Variants in NLGN1 observed in about 807,000 individuals in gnomAD.
NLGN1 encodes neuroligin-1.
NLGN1 carries 12 observed loss-of-function variants against 65.5 expected under a neutral mutation model. The observed-to-expected ratio is 0.18, with a 90% confidence interval of 0.12 to 0.30. The LOEUF is 0.30. Ranked by LOEUF, NLGN1 falls within the 10% of genes least tolerant of loss-of-function variation. NLGN1 has a pLI of 1.00. For missense variants in NLGN1, 750 were observed against 1,007.1 expected (o/e 0.74, Z 3.46); for synonymous variants, 350 against 359.5 (o/e 0.97, Z 0.30).
chr3:173,814,144 C>T (rs1224652215), intron 4 of NLGN1, among the ~76,000 whole-genome samples: 1 of 152,194 alleles, frequency 6.6e-6, no homozygotes, highest in African/African-American at 2.4e-5. Flanking sequence ...CGTGTCTCGC[C>T]CACAGGGGCA....
chr3:173,824,586 A>C (rs570558834), intron 4 of NLGN1, among the ~76,000 whole-genome samples: 1 of 149,880 alleles, frequency 6.7e-6, no homozygotes, highest in South Asian at 2.1e-4. Flanking sequence ...GTGTATTGAC[A>C]TGTGCACTTA....
At chr3:174,209,219 C>T (rs536296325) in intron 4 of NLGN1, among the ~76,000 whole-genome samples, 2 of 152,034 alleles carry the variant, frequency 1.3e-5, no homozygotes, top group South Asian at 2.1e-4. Context: ...CCACCGTGCC[C>T]GACCTAATTC....
chr3:173,883,083 G>C (rs1733644537), intron 4 of NLGN1, among the ~76,000 whole-genome samples: 1 of 149,988 alleles, frequency 6.7e-6, no homozygotes, highest in African/African-American at 2.5e-5. Context: ...CAACTGGGCT[G>C]TTTAGTGCAA....
chr3:174,154,986 T>TTATAATAATATA (rs1725125118), intron 4 of NLGN1, among the ~76,000 whole-genome samples: 1 of 70,782 alleles, frequency 1.4e-5, no homozygotes, highest in African/African-American at 1.1e-4. Context: ...TATATTATAT[T>TTATAATAATATA]ATATATTATA....
At position 173,770,866 on chromosome 3, in the gene NLGN1, T is replaced by C. The variant is rs530178344; in HGVS notation, c.494-36814T>C. On this transcript the variant is annotated intron_variant, in intron 3 of 6. Coordinates refer to ENST00000457714, the Ensembl canonical transcript of NLGN1. Reference sequence around the variant, plus strand: ...AAAAAAAAATCCTGCTATTTTGCCATGAAGAGGCTTTCAACCTTTATAGGA... The same window carrying C: ...AAAAAAAAATCCTGCTATTTTGCCACGAAGAGGCTTTCAACCTTTATAGGA... 3.9e-5 allele frequency among the ~76,000 whole-genome samples: 6 copies of C among 152,256 alleles called. No individual in the cohort carries two copies. In the East Asian group the frequency reaches 5.8e-4, roughly 15 times the overall value.
At chr3:174,039,963 T>A (rs1379426608) in intron 4 of NLGN1, among the ~76,000 whole-genome samples, 2 of 152,130 alleles carry the variant, frequency 1.3e-5, no homozygotes, top group Non-Finnish European at 2.9e-5. Flanking sequence ...AGAATGGAAA[T>A]AAGGCCAACC....
chr3:173,932,384 G>A (rs750911438), intron 4 of NLGN1, among the ~76,000 whole-genome samples: 3 of 151,994 alleles, frequency 2.0e-5, no homozygotes, highest in Non-Finnish European at 4.4e-5. Context: ...GTTATATAGG[G>A]AAATGTTCTG....
At chr3:173,751,858 C>T (rs1485262773) in intron 3 of NLGN1, among the ~76,000 whole-genome samples, 1 of 152,032 alleles carries the variant, frequency 6.6e-6, no homozygotes, top group East Asian at 1.9e-4. Flanking sequence ...TTTACTTTTC[C>T]TATTTTACAG....
At chr3:174,016,230 G>A (rs1047790802) in intron 4 of NLGN1, among the ~76,000 whole-genome samples, 7 of 152,146 alleles carry the variant, frequency 4.6e-5, no homozygotes, top group Non-Finnish European at 1.5e-5. Context: ...ATGTCTGTTT[G>A]CTGAAGACCG....
At chr3:174,278,822 C>T in intron 5 of NLGN1, 39 bp from the exon 6 acceptor site, 1 of 1,426,202 alleles carries the variant, frequency 7.0e-7, no homozygotes, top group African/African-American at 1.4e-5. Context: ...ACAACATTAC[C>T]CAAAGATCAT....
At chr3:173,545,511 T>C (rs1739645126) in intron 2 of NLGN1, among the ~76,000 whole-genome samples, 1 of 152,170 alleles carries the variant, frequency 6.6e-6, no homozygotes, top group Non-Finnish European at 1.5e-5. Context: ...CAGGAGAGAA[T>C]GTAGATTATG....
chr3:173,410,581 G>A (rs1399057274), intron 1 of NLGN1, among the ~76,000 whole-genome samples: 1 of 152,166 alleles, frequency 6.6e-6, no homozygotes, highest in Non-Finnish European at 1.5e-5. Flanking sequence ...TAGAAATGGT[G>A]AAATTGGCAG....
intron 2 of NLGN1, among the ~76,000 whole-genome samples, chr3:173,543,148 C>A (rs1257210219): frequency 6.6e-6 from 1 of 152,070 alleles, no homozygotes; most frequent in Non-Finnish European, 1.5e-5. Context: ...TGAATTTTTT[C>A]TTGTATGCTA....
chr3:174,278,977 G>A (rs765034590), exon 6 of NLGN1: 1 of 1,567,356 alleles, frequency 6.4e-7, no homozygotes, highest in Non-Finnish European at 8.6e-7. Context: ...CAATGTTTCA[G>A]ATACAGTAGA....
At chr3:174,095,269 T>C (rs920498071) in intron 4 of NLGN1, among the ~76,000 whole-genome samples, 2 of 147,204 alleles carry the variant, frequency 1.4e-5, no homozygotes, top group Middle Eastern at 3.5e-3. Context: ...ATAAATTATA[T>C]GGGTATGGAG....
At chr3:173,511,531 A>C (rs1732967983) in intron 2 of NLGN1, among the ~76,000 whole-genome samples, 1 of 152,148 alleles carries the variant, frequency 6.6e-6, no homozygotes, top group Non-Finnish European at 1.5e-5. Context: ...AATGTGGGGA[A>C]ATTATCAGTC....
At chr3:173,613,707 T>C (rs1752643018) in intron 3 of NLGN1, among the ~76,000 whole-genome samples, 2 of 152,120 alleles carry the variant, frequency 1.3e-5, no homozygotes, top group Admixed American at 6.6e-5. Context: ...TAAGACCTAA[T>C]TCTTTGTTTA....
chr3:173,667,239 G>GCACACACACACACACA (rs3032837), intron 3 of NLGN1, among the ~76,000 whole-genome samples: 3,369 of 147,404 alleles, frequency 0.023, 69 homozygotes, highest in African/African-American at 0.045. Context: ...ACACGCATAT[G>GCACACACACACACACA]CACACACACA....
At chr3:173,402,067 A>G (rs1717797162) in intron 1 of NLGN1, among the ~76,000 whole-genome samples, 2 of 152,196 alleles carry the variant, frequency 1.3e-5, no homozygotes, top group African/African-American at 4.8e-5. Flanking sequence ...AGAGATGTCA[A>G]AGGAAATAAA....
Sources: allele counts gnomAD v4.1 joint callset (sites outside exome capture counted in the v4.1 genomes callset), GRCh38; gene constraint gnomAD v4.1.1; transcripts MANE v1.5; gene names NCBI Gene and HGNC (gene_info 2026-07-23, HGNC 2026-07-21).